The following PSTPIP2 variants were observed in gnomAD, a reference collection of about 807,000 sequenced individuals.
The protein encoded by PSTPIP2 is proline-serine-threonine phosphatase-interacting protein 2.
In PSTPIP2, 33 loss-of-function variants were observed where a neutral mutation model predicts 63.3. The observed-to-expected ratio is 0.52, with a 90% confidence interval of 0.40 to 0.70. The LOEUF is 0.70. PSTPIP2 is among the 30% of genes least tolerant of loss of function. PSTPIP2 has a pLI of 0.00. For missense variants in PSTPIP2, 312 were observed against 400.7 expected, an observed-to-expected ratio of 0.78 and a Z score of 1.89; for synonymous variants, 125 against 132.7, an observed-to-expected ratio of 0.94 and a Z score of 0.40.
intron 13 of PSTPIP2, chr18:45,990,051 A>T (rs1241725035): frequency 6.6e-6 from 1 of 152,262 alleles, no homozygotes. Context: ...CTCATTAAAG[A>T]TAACATTAAG....
intron 1 of PSTPIP2, among the ~76,000 whole-genome samples, chr18:46,063,505 A>G (rs1353561584): frequency 6.6e-6 from 1 of 152,156 alleles, no homozygotes; most frequent in Non-Finnish European, 1.5e-5. Context: ...TTGGCTTGAA[A>G]GGAGCCAAAC....
At chr18:45,988,815 C>A (rs1285552866) in intron 13 of PSTPIP2, 56 bp from the exon 14 acceptor site, 1 of 1,411,660 alleles carries the variant, frequency 7.1e-7, no homozygotes, top group Non-Finnish European at 1.0e-6. Flanking sequence ...ATAATAAGAT[C>A]TCACCCTTTT....
intron 12 of PSTPIP2, 51 bp downstream of exon 12, chr18:45,991,851 C>A: frequency 6.8e-7 from 1 of 1,475,496 alleles, no homozygotes; most frequent in Non-Finnish European, 9.4e-7. Context: ...TTCATGATAA[C>A]AATGTTTGTT....
At chr18:45,990,628 C>G in intron 13 of PSTPIP2, 94 bp downstream of exon 13, 3 of 1,094,166 alleles carry the variant, frequency 2.7e-6, no homozygotes, top group Non-Finnish European at 4.1e-6. Context: ...CAGGGTTTCA[C>G]CATGTTGACC....
At chr18:45,997,708 C>T in intron 9 of PSTPIP2, 41 bp downstream of exon 9, 1 of 349,630 alleles carries the variant, frequency 2.9e-6, no homozygotes, top group Non-Finnish European at 5.5e-6. Context: ...CACACCCCCA[C>T]CCACCCACCC....
intron 1 of PSTPIP2, among the ~76,000 whole-genome samples, chr18:46,048,737 G>A (rs113764942): frequency 1.5e-3 from 229 of 152,304 alleles, no homozygotes; most frequent in Non-Finnish European, 2.5e-3. Flanking sequence ...CAGAAGAGAC[G>A]TGGCAGCTAA....
At chr18:45,990,311 T>G (rs1354180370) in intron 13 of PSTPIP2, among the ~76,000 whole-genome samples, 1 of 152,230 alleles carries the variant, frequency 6.6e-6, no homozygotes, top group African/African-American at 2.4e-5. Flanking sequence ...TATAGGCTCA[T>G]TCTCTTGGGA....
rs1458476190 is a variant in PSTPIP2 at position 46,028,337 on chromosome 18, G to C, written c.135-3651C>G. The C allele has an allele frequency of 1.3e-5, 6 of 475,210 alleles. No homozygotes were observed. In the East Asian group the frequency reaches 2.2e-4, roughly 18 times the overall value. The allele number at this position is 475,210 out of a possible 1,614,324, so 29.4% of individuals were successfully genotyped here. On this transcript the variant is annotated intron_variant, in intron 2 of 14. Coordinates refer to ENST00000409746, the MANE Select transcript of PSTPIP2 (RefSeq NM_024430.4). ...GACTGGAAAGCCGGAGCGGGGCCGA[G>C]CGAGCCGCCCCAAAAGGCTGCCGCT... is the stretch of plus-strand genomic sequence containing the variant.
At chr18:46,034,878 A>G (rs1288794074) in intron 2 of PSTPIP2, among the ~76,000 whole-genome samples, 3 of 152,228 alleles carry the variant, frequency 2.0e-5, no homozygotes, top group Admixed American at 6.5e-5. Context: ...TAAGCCTTCA[A>G]TAAACAGCAG....
At chr18:46,021,669 G>A (rs1390597091) in intron 3 of PSTPIP2, among the ~76,000 whole-genome samples, 1 of 151,498 alleles carries the variant, frequency 6.6e-6, no homozygotes, top group Admixed American at 6.6e-5. Flanking sequence ...ATTTGGGCCA[G>A]AGACGGTGGC....
At chr18:46,000,242 A>C (rs1343927730) in intron 6 of PSTPIP2, among the ~76,000 whole-genome samples, 1 of 152,230 alleles carries the variant, frequency 6.6e-6, no homozygotes, top group Non-Finnish European at 1.5e-5. Flanking sequence ...ATGCCTGTAC[A>C]AACACTTGGT....
At chr18:46,014,764 G>C (rs1235831011) in intron 4 of PSTPIP2, among the ~76,000 whole-genome samples, 1 of 152,154 alleles carries the variant, frequency 6.6e-6, no homozygotes, top group East Asian at 1.9e-4. Flanking sequence ...CAGCCTGTAA[G>C]ATCATGAGTT....
chr18:46,040,106 G>A, intron 1 of PSTPIP2, 59 bp from the exon 2 acceptor site: 1 of 1,363,428 alleles, frequency 7.3e-7, no homozygotes, highest in East Asian at 2.4e-5. Flanking sequence ...CAAGGCCGGA[G>A]AGAAGATAAG....
intron 1 of PSTPIP2, among the ~76,000 whole-genome samples, chr18:46,042,159 TG>T (rs1258420669): frequency 3.3e-5 from 5 of 152,278 alleles, no homozygotes; most frequent in African/African-American, 1.2e-4. Flanking sequence ...AAGTTAGAAA[TG>T]TTTAATTCTA....
chr18:46,030,778 G>A (rs1432311777), intron 2 of PSTPIP2, among the ~76,000 whole-genome samples: 1 of 152,140 alleles, frequency 6.6e-6, no homozygotes, highest in Non-Finnish European at 1.5e-5. Context: ...CTTTATATTG[G>A]ACTGACAACC....
At chr18:46,005,563 AAC>A in intron 5 of PSTPIP2, 32 bp from the exon 6 acceptor site, 3 of 1,447,632 alleles carry the variant, frequency 2.1e-6, no homozygotes, top group Non-Finnish European at 2.8e-6. Flanking sequence ...TCTTAATAAA[AAC>A]ACAAATCATT....
At chr18:46,064,873 G>A (rs1204988334) in intron 1 of PSTPIP2, among the ~76,000 whole-genome samples, 1 of 151,828 alleles carries the variant, frequency 6.6e-6, no homozygotes, top group Non-Finnish European at 1.5e-5. Context: ...GGCCGGGTGC[G>A]GTGGCTTATG....
chr18:46,025,641 T>C (rs1350391575), intron 2 of PSTPIP2, among the ~76,000 whole-genome samples: 3 of 150,294 alleles, frequency 2.0e-5, no homozygotes, highest in African/African-American at 7.4e-5. Context: ...GAGTTCTCTG[T>C]AGTACAAAGT....
At chr18:46,001,772 G>A (rs2144071758) in intron 6 of PSTPIP2, among the ~76,000 whole-genome samples, 1 of 151,902 alleles carries the variant, frequency 6.6e-6, no homozygotes, top group Middle Eastern at 3.4e-3. Flanking sequence ...TGGGTACATA[G>A]TAGGTTTATA....
Sources: gnomAD v4.1 joint callset for allele counts (sites outside exome capture counted in the v4.1 genomes callset) on GRCh38, gnomAD v4.1.1 for gene constraint, MANE v1.5 for transcripts, NCBI Gene and HGNC (gene_info 2026-07-23, HGNC 2026-07-21) for gene names.